The following SPOCD1 variants were observed in gnomAD, a reference collection of about 807,000 sequenced individuals.
SPOCD1 encodes the protein SPOC domain-containing protein 1.
SPOCD1 carries 64 observed loss-of-function variants against 92.2 expected under a neutral mutation model. The ratio of observed to expected loss-of-function variants is 0.69; its 90% CI spans 0.57 to 0.86. The LOEUF is 0.86. SPOCD1 is among the 40% of genes least tolerant of loss of function. The probability of loss-of-function intolerance (pLI) is 0.00; values close to 1 mark genes in which losing one functional copy is unlikely to be tolerated. For missense variants in SPOCD1, 1,360 were observed against 1,543.1 expected (o/e 0.88, Z 1.99); for synonymous variants, 578 against 619.3 (o/e 0.93, Z 0.99).
Position 31,798,598 on chromosome 1 carries a change from A to G in SPOCD1, c.1872T>C (p.Leu624=). ...RSMQEVLWTR[L]RELPDPVLSE... is the part of the protein sequence containing the mutation. Reference sequence around the variant, plus strand: ...TCAGCACTGGGTCTGGGAGCTCCCGAAGGCTGTGGAGGCCAGGGCAGGGCG... The same window carrying G: ...TCAGCACTGGGTCTGGGAGCTCCCGGAGGCTGTGGAGGCCAGGGCAGGGCG... The change falls in exon 8 of 16, where the codon CTT becomes CTC. Residue 624 remains leucine, a synonymous_variant. Coordinates refer to ENST00000360482, the MANE Select transcript of SPOCD1 (RefSeq NM_144569.7). The surrounding 1 kb of genome is among the most constrained non-coding windows in gnomAD (Gnocchi z 4.1). 1 of 1,612,336 alleles carries G rather than the reference A, an allele frequency of 6.2e-7. No individual in the cohort carries two copies. Among genetic ancestry groups the G allele is most frequent in the Non-Finnish European group, 8.5e-7 (1 of 1,179,572 alleles).
Position 31,793,403 on chromosome 1 carries a change from G to A in SPOCD1, c.2560C>T (p.Pro854Ser). The change falls in exon 13 of 16, where the codon CCT becomes TCT. Residue 854 changes from proline to serine, a missense_variant. Physicochemically the swap from Pro to Ser is moderately conservative, Grantham distance 74. Transcript: ENST00000360482. ...GGCAGGGCCTTTGTGGGTGCAGCAG[G>A]CACATGGAGCCCAGATGGAGGGACC... ...DRVPPSGLHV[P>S]AAPTKALPCL... The A allele has an allele frequency of 6.3e-7, 1 of 1,592,230 alleles. No homozygotes were observed.
At position 31,813,980 on chromosome 1, in the gene SPOCD1, C is replaced by T. The variant is rs562392582; in HGVS notation, c.1354G>A (p.Glu452Lys). The T allele has an allele frequency of 2.9e-5, 45 of 1,576,906 alleles. 2 individuals carry two copies. In the Middle Eastern group the frequency reaches 6.1e-3, roughly 214 times the overall value. The change falls in exon 2 of 16, where the codon GAA (glutamate) becomes AAA (lysine). Residue 452 changes from glutamate to lysine, a missense_variant. By Grantham distance (56) the Glu-to-Lys change is moderately conservative (BLOSUM62 1). Coordinates refer to ENST00000360482, the MANE Select transcript of SPOCD1 (RefSeq NM_144569.7). ...SDNSHQDRPE[E>K]PSPGGCPRLE... ...CTGGGGCAGCCTCCTGGGCTGGGTT[C>T]CTCTGGCCTGTCCTGGTGGGAGTTG...
chr1:31,805,311 A>G lies in SPOCD1; in HGVS notation c.1384-3606T>C, dbSNP rs377451171. 1.1e-4 allele frequency among the ~76,000 whole-genome samples: 16 copies of G among 152,176 alleles called. No individual in the cohort carries two copies. The East Asian group carries it at 2.9e-3, about 28-fold the overall frequency. ...GCTCAAATTTCTAAGAGAACCACCA[A>G]AAAAATATAAACTGAGGATAGGAAA... is the stretch of plus-strand genomic sequence containing the variant. On this transcript the variant is annotated intron_variant, in intron 2 of 15. Transcript: ENST00000360482.
chr1:31,807,121 CTCACGCCTG>C (rs368621949), intron 2 of SPOCD1, among the ~76,000 whole-genome samples: 79 of 151,052 alleles, frequency 5.2e-4, no homozygotes, highest in Non-Finnish European at 1.0e-3. Flanking sequence ...GGCGTGGTGG[CTCACGCCTG>C]TAATCCCAGC....
chr1:31,793,341 G>A lies in SPOCD1; in HGVS notation c.2622C>T (p.Phe874=), dbSNP rs1405816494. 2 of 1,592,098 alleles carry A rather than the reference G, an allele frequency of 1.3e-6. No homozygotes were observed. Among genetic ancestry groups the A allele is most frequent in the Non-Finnish European group, 8.6e-7 (1 of 1,169,252 alleles). ...LPPWEGVLDM[F]SIKRFRARAQ... is the part of the protein sequence containing the mutation. Reference sequence around the variant, plus strand: ...CCCTGGCCCGGAACCGCTTGATGGAGAACATGTCCAGAACACCTTCCCAGG... The same window carrying A: ...CCCTGGCCCGGAACCGCTTGATGGAAAACATGTCCAGAACACCTTCCCAGG... The change falls in exon 13 of 16, where the codon TTC becomes TTT. Residue 874 remains phenylalanine, a synonymous_variant. Transcript: ENST00000360482.
chr1:31,791,171 G>A lies in SPOCD1; in HGVS notation c.3083C>T (p.Pro1028Leu). ...CATCTTTTGAACCTTCCCCAACCAGGGGCTGGACCCTGCTGTGTCTGGAAG... is the reference window on the plus strand; with the variant it reads ...CATCTTTTGAACCTTCCCCAACCAGAGGCTGGACCCTGCTGTGTCTGGAAG... ...EGLPDTAGSS[P>L]WLGKVQKMVS... The change falls in exon 16 of 16, where the codon CCC becomes CTC. Residue 1028 changes from proline (P) to leucine (L), a missense_variant. By Grantham distance (98) the Pro-to-Leu change is moderately conservative (BLOSUM62 -3). This residue lies in a region of SPOCD1 where 614 missense variants were observed against 757.8 expected (regional missense o/e 0.81). Transcript: ENST00000360482. 1 of 1,612,926 alleles carries A rather than the reference G, an allele frequency of 6.2e-7. No individual in the cohort carries two copies.
chr1:31,800,339 C>T (rs147221874), intron 4 of SPOCD1, 102 bp downstream of exon 4: 51 of 1,437,438 alleles, frequency 3.5e-5, no homozygotes, highest in East Asian at 5.0e-5. Flanking sequence ...TGAATGACCG[C>T]GAGCAAGTGG....
Position 31,791,179 on chromosome 1 carries a change from C to T in SPOCD1, c.3075G>A (p.Gly1025=). The T allele has an allele frequency of 1.2e-6, 2 of 1,612,428 alleles. No individual in the cohort carries two copies. The highest frequency in any genetic ancestry group is 1.7e-6 in the Non-Finnish European group (2 of 1,179,248). Residue 1025 remains glycine, a synonymous_variant, in exon 16 of 16, where the codon GGG becomes GGA. Transcript: ENST00000360482. ...GAACCTTCCCCAACCAGGGGCTGGACCCTGCTGTGTCTGGAAGCCCTTCCT... is the reference window on the plus strand; with the variant it reads ...GAACCTTCCCCAACCAGGGGCTGGATCCTGCTGTGTCTGGAAGCCCTTCCT... ...LPKEGLPDTA[G]SSPWLGKVQK... is the part of the protein sequence containing the mutation.
chr1:31,806,115 C>CA (rs993730464), intron 2 of SPOCD1, among the ~76,000 whole-genome samples: 47 of 141,730 alleles, frequency 3.3e-4, no homozygotes, highest in African/African-American at 4.9e-4. Flanking sequence ...AACTATAAAG[C>CA]AAAAAAAAAA....
At position 31,793,917 on chromosome 1, in the gene SPOCD1, G is replaced by A. The variant is rs1647802301; in HGVS notation, c.2384-20C>T. ...CCCAGTCTGCAAATAGCAGAGGCAG[G>A]AGCTGAAACAGGGGCAGCAGCAGCG... On this transcript the variant is annotated intron_variant, in intron 11 of 15. Coordinates refer to ENST00000360482, the MANE Select transcript of SPOCD1 (RefSeq NM_144569.7). 1 of 1,601,214 alleles carries A rather than the reference G, an allele frequency of 6.2e-7. No individual in the cohort carries two copies. Among genetic ancestry groups the A allele is most frequent in the African/African-American group, 1.3e-5 (1 of 74,714 alleles).
At chr1:31,792,818 G>T in intron 13 of SPOCD1, 51 bp from the exon 14 acceptor site, 3 of 1,425,082 alleles carry the variant, frequency 2.1e-6, no homozygotes, top group East Asian at 2.4e-5. Flanking sequence ...CACCCACTCA[G>T]GGTGGACGCA....
chr1:31,794,259 C>T, intron 10 of SPOCD1, 24 bp from the exon 11 acceptor site: 1 of 1,588,234 alleles, frequency 6.3e-7, no homozygotes, highest in South Asian at 1.1e-5. Flanking sequence ...GACAGAGGGG[C>T]AGGCTGAAAA....
chr1:31,810,925 C>T (rs1420437716), intron 2 of SPOCD1, among the ~76,000 whole-genome samples: 1 of 152,188 alleles, frequency 6.6e-6, no homozygotes. Context: ...GCCCCACACA[C>T]ACACACCCAC....
Position 31,790,794 on chromosome 1 carries a change from CGAGGTGCCG to C in SPOCD1, c.3451_3459del (p.Arg1151_Leu1153del). On this transcript the variant is annotated inframe_deletion, in exon 16 of 16. Coordinates refer to ENST00000360482, the MANE Select transcript of SPOCD1 (RefSeq NM_144569.7). ...TGGTGACTCATGGTCGCCAGGGATT[CGAGGTGCCG>C]GAGCAGGGCTTGGTGGGGACAGGAG... The C allele has an allele frequency of 6.5e-7, 1 of 1,546,146 alleles. No individual in the cohort carries two copies. Among genetic ancestry groups the C allele is most frequent in the East Asian group, 2.4e-5 (1 of 41,114 alleles).
chr1:31,800,645 A>G (rs780887926), intron 3 of SPOCD1, 28 bp from the exon 4 acceptor site: 2 of 1,561,888 alleles, frequency 1.3e-6, no homozygotes, highest in African/African-American at 2.7e-5. Context: ...CTTCAGAAGC[A>G]AGCGGGGCCA....
intron 11 of SPOCD1, 100 bp from the exon 12 acceptor site, chr1:31,793,997 G>T: frequency 6.6e-7 from 1 of 1,522,386 alleles, no homozygotes; most frequent in South Asian, 1.2e-5. Context: ...TTTTCTAGGT[G>T]ACCTGGGGCA....
chr1:31,796,538 G>A (rs1557818805), intron 10 of SPOCD1, 52 bp downstream of exon 10: 1 of 1,614,058 alleles, frequency 6.2e-7, no homozygotes, highest in Non-Finnish European at 8.5e-7. Flanking sequence ...GGCGAGGCGT[G>A]GGACCCCCAG....
chr1:31,794,102 C>T, intron 11 of SPOCD1, 22 bp downstream of exon 11: 1 of 1,607,302 alleles, frequency 6.2e-7, no homozygotes, highest in African/African-American at 1.3e-5. Context: ...CACCCCTGCA[C>T]CCCTCCCGTG....
rs1019659003 is a variant in SPOCD1, at chr1:31,790,700, G to A, written c.3554C>T (p.Ala1185Val). The A allele has an allele frequency of 6.4e-7, 1 of 1,551,878 alleles. No homozygotes were observed. The highest frequency in any genetic ancestry group is 2.4e-5 in the East Asian group (1 of 40,934). Residue 1185 changes from alanine (A) to valine (V), a missense_variant, in exon 16 of 16, where the codon GCC (alanine) becomes GTC (valine). Ala to Val is a moderately conservative substitution (Grantham distance 64). Coordinates refer to ENST00000360482, the MANE Select transcript of SPOCD1 (RefSeq NM_144569.7). ...IPRPLQRLSS[A>V]LAAPEPPGPA... is the part of the protein sequence containing the mutation. Reference sequence around the variant, plus strand: ...GCCAGGGGGCTCTGGAGCTGCAAGGGCGCTAGACAAACGCTGCAGAGGGCG... The same window carrying A: ...GCCAGGGGGCTCTGGAGCTGCAAGGACGCTAGACAAACGCTGCAGAGGGCG...
Sources: allele counts gnomAD v4.1 joint callset (sites outside exome capture counted in the v4.1 genomes callset), GRCh38; gene constraint gnomAD v4.1.1; regional missense constraint gnomAD v4.1.1; non-coding constraint Gnocchi (gnomAD v3.1); transcripts MANE v1.5; gene names NCBI Gene and HGNC (gene_info 2026-07-23, HGNC 2026-07-21).